LPIN2: variants seen among roughly 807,000 people sequenced by gnomAD.
LPIN2 encodes the protein phosphatidate phosphatase LPIN2.
A neutral mutation model predicts 111.4 loss-of-function variants in LPIN2; 55 were observed. That is an observed-to-expected ratio of 0.49 (90% CI 0.40 to 0.62). The LOEUF (loss-of-function observed/expected upper bound fraction) is 0.62. Among genes scored for constraint, LPIN2 ranks in the 20% least tolerant of loss-of-function variants. The pLI, the probability that LPIN2 is intolerant of heterozygous loss-of-function variation, is 0.00. For missense variants in LPIN2, 992 were observed against 1,112.1 expected (o/e 0.89, Z 1.54); for synonymous variants, 425 against 414.0 (o/e 1.03, Z -0.32).
At chr18:3,008,898 T>G (rs1419661169) in intron 1 of LPIN2, among the ~76,000 whole-genome samples, 2 of 150,202 alleles carry the variant, frequency 1.3e-5, no homozygotes, top group Admixed American at 6.7e-5. Context: ...TTTTTTTTTT[T>G]GGAGAGACAG....
chr18:2,950,270 A>C (rs944781996), intron 4 of LPIN2: 19 of 152,200 alleles, frequency 1.2e-4, no homozygotes, highest in African/African-American at 4.6e-4. Flanking sequence ...AGGATGAAAA[A>C]CACTTGAACA....
At chr18:2,945,567 T>C in intron 4 of LPIN2, 1 of 1,508,932 alleles carries the variant, frequency 6.6e-7, no homozygotes, top group Non-Finnish European at 9.2e-7. Flanking sequence ...TGTCGTCTTT[T>C]TGTTTTTCCT....
chr18:2,984,881 G>A (rs1027645184), intron 1 of LPIN2, among the ~76,000 whole-genome samples: 1 of 152,156 alleles, frequency 6.6e-6, no homozygotes, highest in African/African-American at 2.4e-5. Context: ...GGGATCAGCA[G>A]GAGGAGGCTG....
chr18:2,920,584 C>T, intron 19 of LPIN2, 147 bp from the exon 20 acceptor site: 1 of 920,934 alleles, frequency 1.1e-6, no homozygotes, highest in Non-Finnish European at 1.7e-6. Context: ...GCTCAAACTC[C>T]CTCTTACAAG....
At chr18:3,000,288 A>C (rs184436218) in intron 1 of LPIN2, among the ~76,000 whole-genome samples, 2 of 152,302 alleles carry the variant, frequency 1.3e-5, no homozygotes, top group Admixed American at 6.5e-5. Context: ...CAGAAACAGG[A>C]GAGGAAAAAA....
intron 1 of LPIN2, among the ~76,000 whole-genome samples, chr18:2,988,748 G>A (rs932772180): frequency 6.6e-6 from 1 of 152,154 alleles, no homozygotes; most frequent in African/African-American, 2.4e-5. Context: ...AAAGCAAAGA[G>A]GCATCTGAAA....
At chr18:2,963,402 G>C (rs2077743480) in intron 1 of LPIN2, among the ~76,000 whole-genome samples, 1 of 150,466 alleles carries the variant, frequency 6.6e-6, no homozygotes, top group Admixed American at 6.6e-5. Context: ...AGTCAGACCT[G>C]TCCTGGTCAA....
At chr18:3,008,301 G>T (rs2078547341) in intron 1 of LPIN2, among the ~76,000 whole-genome samples, 1 of 152,132 alleles carries the variant, frequency 6.6e-6, no homozygotes, top group Non-Finnish European at 1.5e-5. Flanking sequence ...AATTAGCTGG[G>T]CACGGTGGCA....
chr18:2,925,477 G>C lies in LPIN2; in HGVS notation c.1794-109C>G. On this transcript the variant is annotated intron_variant, in intron 13 of 19. Coordinates refer to ENST00000677752, the MANE Select transcript of LPIN2 (RefSeq NM_001375808.2). The surrounding 1 kb of genome is among the most constrained non-coding windows in gnomAD (Gnocchi z 4.1). ...GATATCCTAAATCTTTTCTAGGAATGGGTAGAGTTATCCCTTCTGCCATTC... is the reference window on the plus strand; with the variant it reads ...GATATCCTAAATCTTTTCTAGGAATCGGTAGAGTTATCCCTTCTGCCATTC... 17 of 1,431,348 alleles carry C rather than the reference G, an allele frequency of 1.2e-5. No homozygotes were observed. Among genetic ancestry groups the C allele is most frequent in the Non-Finnish European group, 1.7e-5 (17 of 1,028,154 alleles). The allele number at this position is 1,431,348 out of a possible 1,614,324, so 88.7% of individuals were successfully genotyped here.
chr18:2,946,568 A>G (rs1220836752), intron 4 of LPIN2: 5 of 1,147,400 alleles, frequency 4.4e-6, no homozygotes, highest in African/African-American at 1.5e-5. Context: ...CAAGGCCCAA[A>G]CACCGGGAAC....
At chr18:2,946,803 A>T (rs570353754) in intron 4 of LPIN2, 37 of 447,132 alleles carry the variant, frequency 8.3e-5, no homozygotes, top group South Asian at 5.2e-4. Flanking sequence ...CTCTGTTAAC[A>T]ACGTCTAGCA....
At chr18:2,999,656 AGAAGAACGC>A (rs2078401012) in intron 1 of LPIN2, among the ~76,000 whole-genome samples, 1 of 152,024 alleles carries the variant, frequency 6.6e-6, no homozygotes, top group African/African-American at 2.4e-5. Context: ...ACATGCACAC[AGAAGAACGC>A]CATGTGAATA....
At chr18:2,953,355 T>G (rs964365896) in intron 3 of LPIN2, among the ~76,000 whole-genome samples, 1 of 145,078 alleles carries the variant, frequency 6.9e-6, no homozygotes, top group Non-Finnish European at 1.5e-5. Context: ...CAAAAAGTGG[T>G]TTTTTTTTTT....
chr18:3,008,922 T>C (rs980115267), intron 1 of LPIN2, among the ~76,000 whole-genome samples: 1 of 149,804 alleles, frequency 6.7e-6, no homozygotes, highest in Non-Finnish European at 1.5e-5. Context: ...CTTGCCATGT[T>C]GTCCAGGCTG....
intron 4 of LPIN2, chr18:2,946,891 C>T (rs1047287063): frequency 3.2e-6 from 1 of 308,810 alleles, no homozygotes; most frequent in South Asian, 2.9e-5. Flanking sequence ...CAGAGCATTT[C>T]CCGTAAGACA....
chr18:2,976,489 AAAG>A (rs2078018672), intron 1 of LPIN2, among the ~76,000 whole-genome samples: 1 of 152,242 alleles, frequency 6.6e-6, no homozygotes, highest in African/African-American at 2.4e-5. Flanking sequence ...GCCTTATCAA[AAAG>A]AAGATAACTC....
rs369113436 is a variant in LPIN2, at chr18:3,012,723, GT to G, written c.-10+363del. ...CCGCGCCCCAAACCCAGGGGTAGGGGTGGTCTCGGGTAACCATCCCCAGGGC... is the reference window on the plus strand; with the variant it reads ...CCGCGCCCCAAACCCAGGGGTAGGGGGGTCTCGGGTAACCATCCCCAGGGC... On this transcript the variant is annotated intron_variant, in intron 1 of 19. Coordinates refer to ENST00000677752, the MANE Select transcript of LPIN2 (RefSeq NM_001375808.2). Among the ~76,000 whole-genome samples the G allele has an allele frequency of 4.8e-4, 73 of 152,280 alleles. No individual in the cohort carries two copies. The East Asian group carries it at 6.8e-3, about 14-fold the overall frequency.
intron 7 of LPIN2, among the ~76,000 whole-genome samples, chr18:2,936,742 G>C (rs945924104): frequency 6.6e-6 from 1 of 152,024 alleles, no homozygotes; most frequent in Non-Finnish European, 1.5e-5. Context: ...ACCATGCCAG[G>C]CTCAGTTTTT....
intron 1 of LPIN2, among the ~76,000 whole-genome samples, chr18:2,989,268 C>A (rs1036261390): frequency 2.6e-5 from 4 of 151,802 alleles, no homozygotes; most frequent in African/African-American, 9.7e-5. Flanking sequence ...ATTTACTATG[C>A]TAAGTATTTC....
Sources: allele counts gnomAD v4.1 joint callset (sites outside exome capture counted in the v4.1 genomes callset), GRCh38; gene constraint gnomAD v4.1.1; non-coding constraint Gnocchi (gnomAD v3.1); transcripts MANE v1.5; gene names NCBI Gene and HGNC (gene_info 2026-07-23, HGNC 2026-07-21).